The following AFG2A variants were observed in gnomAD, a reference collection of about 807,000 sequenced individuals.
AFG2A encodes the protein ATPase family gene 2 protein homolog A.
chr4:123,208,584 GTAAC>G, the AFG2A span, among the ~76,000 whole-genome samples: 1 of 152,258 alleles, frequency 6.6e-6, no homozygotes, highest in East Asian at 1.9e-4. Context: ...CCTATATACA[GTAAC>G]TAACCTGTAG....
At chr4:123,284,672 G>A in the AFG2A span, among the ~76,000 whole-genome samples, 6 of 152,070 alleles carry the variant, frequency 3.9e-5, no homozygotes, top group Non-Finnish European at 7.4e-5. Flanking sequence ...ACTACATTTT[G>A]GGGCACCTGT....
At chr4:123,188,856 G>A in the AFG2A span, among the ~76,000 whole-genome samples, 9 of 152,194 alleles carry the variant, frequency 5.9e-5, no homozygotes, top group African/African-American at 1.9e-4. Context: ...GCTAGTCATT[G>A]TAGGGTAATG....
the AFG2A span, among the ~76,000 whole-genome samples, chr4:122,945,368 C>T: frequency 6.6e-6 from 1 of 152,246 alleles, no homozygotes; most frequent in Non-Finnish European, 1.5e-5. Flanking sequence ...CTCCCCCAGC[C>T]TCACTGCCGC....
the AFG2A span, among the ~76,000 whole-genome samples, chr4:122,993,248 C>T: frequency 6.6e-6 from 1 of 152,004 alleles, no homozygotes; most frequent in Non-Finnish European, 1.5e-5. Flanking sequence ...TCTCTTCAGT[C>T]TCCTGGAGTA....
At chr4:122,972,684 G>T in the AFG2A span, among the ~76,000 whole-genome samples, 1 of 151,474 alleles carries the variant, frequency 6.6e-6, no homozygotes, top group South Asian at 2.1e-4. Context: ...TGAGCCATGA[G>T]TTATTTAGAA....
the AFG2A span, chr4:122,979,502 T>A: frequency 8.1e-7 from 1 of 1,232,876 alleles, no homozygotes; most frequent in Non-Finnish European, 1.1e-6. Flanking sequence ...TTTTCTTAAT[T>A]GAAAGTTTTA....
At chr4:123,215,732 A>G in the AFG2A span, among the ~76,000 whole-genome samples, 12 of 152,066 alleles carry the variant, frequency 7.9e-5, no homozygotes, top group Non-Finnish European at 1.5e-4. Context: ...CCTAGTGCCT[A>G]TTTCCTCTCA....
chr4:123,058,539 T>C, the AFG2A span, among the ~76,000 whole-genome samples: 1 of 152,084 alleles, frequency 6.6e-6, no homozygotes, highest in Non-Finnish European at 1.5e-5. Context: ...GCAGGAGAAT[T>C]GCTTGAGCCC....
chr4:122,935,968 A>C, the AFG2A span: 1 of 1,316,482 alleles, frequency 7.6e-7, no homozygotes, highest in Non-Finnish European at 1.0e-6. Flanking sequence ...TTCTTAATAA[A>C]AATTGTTTGG....
the AFG2A span, among the ~76,000 whole-genome samples, chr4:123,178,772 C>T: frequency 1.3e-5 from 2 of 152,090 alleles, no homozygotes; most frequent in African/African-American, 4.8e-5. Context: ...AGCTTGCAAC[C>T]TCTTTTAAAT....
chr4:123,196,167 A>ATTTTTTTTT, the AFG2A span, among the ~76,000 whole-genome samples: 91 of 79,662 alleles, frequency 1.1e-3, 10 homozygotes, highest in East Asian at 0.014. Flanking sequence ...TGCCCAGCTA[A>ATTTTTTTTT]TTTTTTTTTT....
At chr4:123,163,744 C>G in the AFG2A span, among the ~76,000 whole-genome samples, 1 of 152,122 alleles carries the variant, frequency 6.6e-6, no homozygotes, top group African/African-American at 2.4e-5. Context: ...CCTAACTGCT[C>G]TCTATTAGGC....
chr4:123,294,506 A>G, the AFG2A span, among the ~76,000 whole-genome samples: 1 of 152,202 alleles, frequency 6.6e-6, no homozygotes, highest in East Asian at 1.9e-4. Flanking sequence ...ACATGATCCC[A>G]GGTAAATCAA....
chr4:123,100,844 T>G, the AFG2A span, among the ~76,000 whole-genome samples: 41 of 152,088 alleles, frequency 2.7e-4, no homozygotes, highest in South Asian at 2.1e-3. Flanking sequence ...ATAGAAGTTA[T>G]CCTCCAAAAT....
At chr4:122,945,360 C>G in the AFG2A span, among the ~76,000 whole-genome samples, 3 of 152,214 alleles carry the variant, frequency 2.0e-5, no homozygotes, top group African/African-American at 7.2e-5. Flanking sequence ...GGGCGCCCCT[C>G]CCCCAGCCTC....
At chr4:123,301,602 A>G in the AFG2A span, among the ~76,000 whole-genome samples, 4 of 152,196 alleles carry the variant, frequency 2.6e-5, no homozygotes, top group Non-Finnish European at 4.4e-5. Flanking sequence ...CATGCATAAA[A>G]TAAGTGTAAT....
chr4:122,970,474 AT>A, the AFG2A span, among the ~76,000 whole-genome samples: 1,645 of 140,728 alleles, frequency 0.012, 31 homozygotes, highest in African/African-American at 0.037. Flanking sequence ...TAAAAAAAAA[AT>A]TTTTTTTTTT....
At chr4:123,246,030 T>C in the AFG2A span, among the ~76,000 whole-genome samples, 4 of 152,254 alleles carry the variant, frequency 2.6e-5, no homozygotes, top group African/African-American at 9.6e-5. Flanking sequence ...AATTGAATTA[T>C]TGTTTAAAAA....
the AFG2A span, chr4:122,929,203 G>T: frequency 6.4e-7 from 1 of 1,559,758 alleles, no homozygotes; most frequent in Non-Finnish European, 8.6e-7. Flanking sequence ...CTGAGGTTTG[G>T]CTCTTTTCTT....
Sources: allele counts gnomAD v4.1 joint callset (sites outside exome capture counted in the v4.1 genomes callset), GRCh38; gene constraint gnomAD v4.1.1; transcripts MANE v1.5; gene names NCBI Gene and HGNC (gene_info 2026-07-23, HGNC 2026-07-21).